SLC25A48: variants seen among roughly 807,000 people sequenced by gnomAD.
The protein encoded by SLC25A48 is solute carrier family 25 member 48.
SLC25A48 carries 29 observed loss-of-function variants against 32.2 expected under a neutral mutation model. The ratio of observed to expected loss-of-function variants is 0.90; its 90% CI spans 0.67 to 1.23. SLC25A48 has a LOEUF of 1.23. SLC25A48 is among the 50% of genes most tolerant of loss of function. The pLI is 0.00. For missense variants in SLC25A48, 399 were observed against 422.7 expected (o/e 0.94, Z 0.49); for synonymous variants, 164 against 172.3 (o/e 0.95, Z 0.38).
chr5:135,774,374 C>T (rs536029562), intron 3 of SLC25A48, among the ~76,000 whole-genome samples: 4 of 151,332 alleles, frequency 2.6e-5, no homozygotes, highest in Non-Finnish European at 4.4e-5. Flanking sequence ...TTCAATGATA[C>T]TGTTCCTAAT....
At chr5:135,779,193 A>G (rs150490243) in intron 3 of SLC25A48, among the ~76,000 whole-genome samples, 57 of 151,902 alleles carry the variant, frequency 3.8e-4, no homozygotes, top group African/African-American at 1.3e-3. Flanking sequence ...AGAGGATGAT[A>G]TTACCCCCAA....
At chr5:135,638,655 C>G (rs979041769) in intron 3 of SLC25A48, among the ~76,000 whole-genome samples, 8 of 152,164 alleles carry the variant, frequency 5.3e-5, no homozygotes, top group African/African-American at 1.7e-4. Context: ...AATTTTGAAG[C>G]ATTAGTGGTG....
intron 3 of SLC25A48, among the ~76,000 whole-genome samples, chr5:135,782,042 T>G (rs12187276): frequency 0.51 from 57,203 of 112,198 alleles, 21,672 homozygotes; most frequent in Middle Eastern, 0.7. Flanking sequence ...TATCACAGGG[T>G]GTCTACACCT....
intron 4 of SLC25A48, among the ~76,000 whole-genome samples, chr5:135,858,333 A>G (rs1001203348): frequency 6.6e-6 from 1 of 152,184 alleles, no homozygotes; most frequent in Non-Finnish European, 1.5e-5. Context: ...CAAAGAGCAA[A>G]GCCAAAGCCA....
intron 3 of SLC25A48, among the ~76,000 whole-genome samples, chr5:135,706,057 C>A (rs1390986226): frequency 4.6e-5 from 7 of 152,214 alleles, no homozygotes; most frequent in African/African-American, 1.7e-4. Flanking sequence ...CGGCCCAACC[C>A]TTTCTTTTCA....
chr5:135,766,146 G>A (rs1266255829), intron 3 of SLC25A48, among the ~76,000 whole-genome samples: 1 of 151,722 alleles, frequency 6.6e-6, no homozygotes, highest in Non-Finnish European at 1.5e-5. Flanking sequence ...ATATCTAGAA[G>A]GGGAGAGGGT....
chr5:135,731,195 G>C (rs1254099363), intron 3 of SLC25A48, among the ~76,000 whole-genome samples: 1 of 152,090 alleles, frequency 6.6e-6, no homozygotes, highest in East Asian at 1.9e-4. Flanking sequence ...TGGTAGGGGT[G>C]GGGGTCATAA....
At chr5:135,758,265 CAT>C (rs1281071913) in intron 3 of SLC25A48, among the ~76,000 whole-genome samples, 1 of 150,634 alleles carries the variant, frequency 6.6e-6, no homozygotes, top group Non-Finnish European at 1.5e-5. Flanking sequence ...GTTTTTAACA[CAT>C]GATATTAATA....
chr5:135,636,574 G>A (rs541996145), intron 3 of SLC25A48, among the ~76,000 whole-genome samples: 1 of 152,302 alleles, frequency 6.6e-6, no homozygotes, highest in Admixed American at 6.5e-5. Flanking sequence ...GAAGCTCTGG[G>A]TAGCTTCTGT....
At chr5:135,768,593 C>T (rs1000774830) in intron 3 of SLC25A48, among the ~76,000 whole-genome samples, 5 of 150,994 alleles carry the variant, frequency 3.3e-5, no homozygotes, top group African/African-American at 4.9e-5. Flanking sequence ...AGAAGAGGAG[C>T]GGATGATGAT....
At chr5:135,660,798 T>C (rs6887742) in intron 3 of SLC25A48, among the ~76,000 whole-genome samples, 77,029 of 152,024 alleles carry the variant, frequency 0.51, 19,697 homozygotes, top group South Asian at 0.54. Flanking sequence ...GATTCAGCAG[T>C]TGGGGTCTGA....
upstream of SLC25A48, among the ~76,000 whole-genome samples, chr5:135,830,900 C>A (rs915006291): frequency 2.0e-5 from 3 of 152,136 alleles, no homozygotes; most frequent in South Asian, 2.1e-4. Flanking sequence ...CCTGGAGCAA[C>A]CAAGCATTGC....
intron 3 of SLC25A48, among the ~76,000 whole-genome samples, chr5:135,660,496 ATGC>A (rs1247566460): frequency 1.3e-5 from 2 of 152,200 alleles, no homozygotes; most frequent in Non-Finnish European, 2.9e-5. Flanking sequence ...GCTGTTCTCC[ATGC>A]TGTTTACAAG....
chr5:135,759,829 CTTTTTTT>C (rs34301836), intron 3 of SLC25A48, among the ~76,000 whole-genome samples: 2 of 119,510 alleles, frequency 1.7e-5, no homozygotes, highest in Non-Finnish European at 1.8e-5. Flanking sequence ...TATATATCAT[CTTTTTTT>C]TTTTTTTTTT....
At chr5:135,714,635 G>A (rs1256539258) in intron 3 of SLC25A48, 1 of 152,264 alleles carries the variant, frequency 6.6e-6, no homozygotes, top group African/African-American at 2.4e-5. Flanking sequence ...GGTGGACAAA[G>A]TTCATAATTG....
rs1306950744 is a variant in SLC25A48, at chr5:135,699,690, G to C, written c.-521+64734G>C. Among the ~76,000 whole-genome samples, 4 of 152,192 alleles carry C rather than the reference G, an allele frequency of 2.6e-5. No homozygotes were observed. The East Asian group carries it at 7.7e-4, about 29-fold the overall frequency. ...TCATAACTTGATTTTAAAAACAATG[G>C]TAATAGCCAGCATGGACTGAAGACT... On this transcript the variant is annotated intron_variant, in intron 3 of 10. Coordinates refer to the SLC25A48 transcript ENST00000646290.
intron 3 of SLC25A48, among the ~76,000 whole-genome samples, chr5:135,717,860 G>T (rs1232489589): frequency 6.6e-6 from 1 of 152,170 alleles, no homozygotes; most frequent in Admixed American, 6.5e-5. Flanking sequence ...GTCCTTTGCT[G>T]CAGCAGATCT....
At chr5:135,741,615 G>A (rs74541846) in intron 3 of SLC25A48, among the ~76,000 whole-genome samples, 1,592 of 152,274 alleles carry the variant, frequency 0.01, 38 homozygotes, top group African/African-American at 0.036. Context: ...GCAAACACCC[G>A]TAGTCCCAGC....
intron 1 of SLC25A48, among the ~76,000 whole-genome samples, chr5:135,599,554 G>A (rs1018498361): frequency 1.3e-5 from 2 of 152,192 alleles, no homozygotes; most frequent in Non-Finnish European, 2.9e-5. Flanking sequence ...TAGAACAACT[G>A]GAAGCAGGAG....
Sources: allele counts gnomAD v4.1 joint callset (sites outside exome capture counted in the v4.1 genomes callset), GRCh38; gene constraint gnomAD v4.1.1; transcripts MANE v1.5; gene names NCBI Gene and HGNC (gene_info 2026-07-23, HGNC 2026-07-21).